Variants in OSBPL1A observed in about 807,000 individuals in gnomAD.
OSBPL1A encodes the protein oxysterol binding protein like 1A.
In OSBPL1A, 80 loss-of-function variants were observed where a neutral mutation model predicts 137.1. That is an observed-to-expected ratio of 0.58 (90% CI 0.49 to 0.70). The LOEUF is 0.70. Ranked by LOEUF, OSBPL1A falls within the 30% of genes least tolerant of loss-of-function variation. OSBPL1A has a pLI of 0.00. For missense variants in OSBPL1A, 970 were observed against 1,129.4 expected (o/e 0.86, Z 2.02); for synonymous variants, 365 against 389.7 (o/e 0.94, Z 0.75).
chr18:24,348,742 C>G (rs952209657), intron 4 of OSBPL1A, among the ~76,000 whole-genome samples: 1 of 152,010 alleles, frequency 6.6e-6, no homozygotes, highest in East Asian at 1.9e-4. Flanking sequence ...CAACTGCACT[C>G]CAGCCTGGGC....
Position 24,302,031 on chromosome 18 carries a change from A to G in OSBPL1A, c.1174+1606T>C, listed in dbSNP as rs148731190. Among the ~76,000 whole-genome samples, 346 of 152,260 alleles carry G rather than the reference A, an allele frequency of 2.3e-3. 1 individual carries two copies. The highest frequency in any genetic ancestry group is 7.9e-3 in the African/African-American group (330 of 41,560). ...ATCACAAGGTCAGGAGATCGAGAGC[A>G]TCCTGGCTAACACGGTGAAACCCCG... is the stretch of plus-strand genomic sequence containing the variant. On this transcript the variant is annotated intron_variant, in intron 14 of 27. Transcript: ENST00000319481.
At chr18:24,310,244 C>T (rs1218720407) in intron 13 of OSBPL1A, among the ~76,000 whole-genome samples, 1 of 151,500 alleles carries the variant, frequency 6.6e-6, no homozygotes, top group East Asian at 1.9e-4. Context: ...AAGGAATAAA[C>T]TGAAAGATAT....
At chr18:24,235,543 G>C (rs1166226575) in intron 16 of OSBPL1A, among the ~76,000 whole-genome samples, 2 of 152,284 alleles carry the variant, frequency 1.3e-5, no homozygotes, top group Non-Finnish European at 2.9e-5. Context: ...GCCAGGCCTC[G>C]ATTCTATGTC....
intron 14 of OSBPL1A, among the ~76,000 whole-genome samples, chr18:24,295,714 A>G (rs1280374963): frequency 6.6e-6 from 1 of 152,118 alleles, no homozygotes; most frequent in African/African-American, 2.4e-5. Context: ...CCTTTCCCCA[A>G]TTTATGTTTT....
intron 17 of OSBPL1A, among the ~76,000 whole-genome samples, chr18:24,218,865 T>A (rs1171491263): frequency 1.3e-5 from 2 of 152,192 alleles, no homozygotes; most frequent in African/African-American, 2.4e-5. Flanking sequence ...ATTAGCTCGA[T>A]TCATCCATTA....
intron 2 of OSBPL1A, among the ~76,000 whole-genome samples, chr18:24,376,336 T>A (rs1445749761): frequency 6.6e-6 from 1 of 152,076 alleles, no homozygotes; most frequent in East Asian, 1.9e-4. Context: ...CCCACCAGAG[T>A]AGCTAGATAC....
chr18:24,167,203 A>C (rs1487549000), intron 25 of OSBPL1A, 126 bp downstream of exon 25: 5 of 799,814 alleles, frequency 6.3e-6, no homozygotes, highest in Non-Finnish European at 1.1e-5. Context: ...CCCGGGAGCC[A>C]GTGGGGGCTC....
intron 18 of OSBPL1A, among the ~76,000 whole-genome samples, chr18:24,189,412 C>T (rs553601764): frequency 3.2e-4 from 49 of 152,270 alleles, no homozygotes; most frequent in Middle Eastern, 3.4e-3. Context: ...GGTGCTCCCC[C>T]GCGTGTGTGA....
At chr18:24,230,710 G>GT (rs2145995649) in intron 16 of OSBPL1A, among the ~76,000 whole-genome samples, 1 of 152,046 alleles carries the variant, frequency 6.6e-6, no homozygotes, top group Non-Finnish European at 1.5e-5. Flanking sequence ...AAACATATAC[G>GT]TTTCTATAAC....
intron 16 of OSBPL1A, among the ~76,000 whole-genome samples, chr18:24,233,655 CTT>C (rs1437575439): frequency 6.6e-6 from 1 of 151,954 alleles, no homozygotes; most frequent in Non-Finnish European, 1.5e-5. Context: ...CTCTCTCTCT[CTT>C]TCTTTCTTTC....
intron 18 of OSBPL1A, among the ~76,000 whole-genome samples, chr18:24,186,385 A>C (rs773596656): frequency 3.3e-4 from 50 of 152,252 alleles, no homozygotes; most frequent in Middle Eastern, 6.8e-3. Flanking sequence ...TTAAAATCTG[A>C]AAAAAACAGG....
At chr18:24,299,284 CTAGA>C (rs946701329) in intron 14 of OSBPL1A, among the ~76,000 whole-genome samples, 5 of 151,976 alleles carry the variant, frequency 3.3e-5, no homozygotes, top group South Asian at 2.1e-4. Flanking sequence ...TAGTCGATAC[CTAGA>C]TACTTTGTTT....
intron 1 of OSBPL1A, among the ~76,000 whole-genome samples, chr18:24,392,757 C>T (rs560918255): frequency 2.0e-4 from 30 of 152,214 alleles, no homozygotes; most frequent in African/African-American, 5.5e-4. Flanking sequence ...GTGGCACAAT[C>T]GTGGCTCACT....
rs752010269 is a variant in OSBPL1A, at chr18:24,178,003, C to T, written c.2093+10G>A. 1.2e-6 allele frequency: 2 copies of T among 1,609,902 alleles called. No individual in the cohort carries two copies. Among genetic ancestry groups the T allele is most frequent in the East Asian group, 2.2e-5 (1 of 44,808 alleles). The stretch of plus-strand genomic sequence containing the variant: ...CATGAAAAGAGTGTAATGGCTTGAT[C>T]AGAACTCACTCAAGGAGCTCCAAGG... On this transcript the variant is annotated intron_variant, in intron 21 of 27. Coordinates refer to ENST00000319481, the MANE Select transcript of OSBPL1A (RefSeq NM_080597.4).
chr18:24,296,940 G>A (rs891315565), intron 14 of OSBPL1A, among the ~76,000 whole-genome samples: 1 of 152,108 alleles, frequency 6.6e-6, no homozygotes, highest in Non-Finnish European at 1.5e-5. Context: ...ATGTTCATCA[G>A]GGATATTGGT....
At chr18:24,382,846 A>G (rs2146210832) in intron 1 of OSBPL1A, among the ~76,000 whole-genome samples, 1 of 152,266 alleles carries the variant, frequency 6.6e-6, no homozygotes, top group East Asian at 1.9e-4. Flanking sequence ...ACTGCACTTT[A>G]GCCTGGGTGA....
At chr18:24,196,266 C>T in intron 17 of OSBPL1A, 66 bp from the exon 18 acceptor site, 1 of 1,096,298 alleles carries the variant, frequency 9.1e-7, no homozygotes, top group East Asian at 2.4e-5. Flanking sequence ...GGAAGAACTG[C>T]TTTCATTCAC....
intron 27 of OSBPL1A, among the ~76,000 whole-genome samples, chr18:24,163,991 A>G (rs920337934): frequency 6.6e-6 from 1 of 152,088 alleles, no homozygotes; most frequent in Non-Finnish European, 1.5e-5. Context: ...CGGCCTCCCA[A>G]AGTGCTGGGA....
intron 15 of OSBPL1A, among the ~76,000 whole-genome samples, chr18:24,278,020 T>C (rs907815634): frequency 1.3e-5 from 2 of 152,230 alleles, no homozygotes; most frequent in Non-Finnish European, 2.9e-5. Context: ...ATATAGTTGA[T>C]GCCCACACCC....
Sources: allele counts gnomAD v4.1 joint callset (sites outside exome capture counted in the v4.1 genomes callset), GRCh38; gene constraint gnomAD v4.1.1; transcripts MANE v1.5; gene names NCBI Gene and HGNC (gene_info 2026-07-23, HGNC 2026-07-21).